Variants in NREP observed in about 807,000 individuals in gnomAD.
The protein encoded by NREP is neuronal regeneration-related protein.
NREP carries 5 observed loss-of-function variants against 8.6 expected under a neutral mutation model. The ratio of observed to expected loss-of-function variants is 0.58; its 90% CI spans 0.30 to 1.22. NREP has a LOEUF of 1.22. Among genes scored for constraint, NREP ranks in the 50% most tolerant of loss-of-function variants. The pLI, the probability that NREP is intolerant of heterozygous loss-of-function variation, is 0.07. For synonymous variants in NREP, 27 were observed against 28.0 expected, an observed-to-expected ratio of 0.96 and a Z score of 0.11; for missense variants, 86 against 82.5, an observed-to-expected ratio of 1.04 and a Z score of -0.17.
At chr5:111,852,753 T>G (rs901028562) in intron 2 of NREP, among the ~76,000 whole-genome samples, 3 of 152,100 alleles carry the variant, frequency 2.0e-5, no homozygotes, top group African/African-American at 7.2e-5. Context: ...AGTGTCATTG[T>G]TTTTGGAGTG....
chr5:111,955,483 AAAAAAC>A, intron 2 of NREP, among the ~76,000 whole-genome samples: 2 of 114,846 alleles, frequency 1.7e-5, no homozygotes, highest in Non-Finnish European at 4.2e-5. Flanking sequence ...AAAAAAAAAC[AAAAAAC>A]AAAAAACAAA....
rs559119685 is a variant in NREP, at chr5:111,783,669, T to C, written c.136-48162A>G. ...AACATGTTTTAGCTTGAATGAGTGATGAATTTTGTCAGGCATACAAACGTC... is the reference window on the plus strand; with the variant it reads ...AACATGTTTTAGCTTGAATGAGTGACGAATTTTGTCAGGCATACAAACGTC... On this transcript the variant is annotated intron_variant, in intron 2 of 3. Coordinates refer to the NREP transcript ENST00000395634. Among the ~76,000 whole-genome samples, 46 of 152,354 alleles carry C rather than the reference T, an allele frequency of 3.0e-4. No individual in the cohort carries two copies. The South Asian group carries it at 9.3e-3, about 31-fold the overall frequency.
intron 2 of NREP, among the ~76,000 whole-genome samples, chr5:111,972,140 A>G (rs1383125150): frequency 6.6e-6 from 1 of 150,458 alleles, no homozygotes; most frequent in Non-Finnish European, 1.5e-5. Context: ...AAAAATGATC[A>G]GCATCACTGA....
chr5:111,956,732 G>A (rs551684650), intron 2 of NREP, among the ~76,000 whole-genome samples: 6 of 152,146 alleles, frequency 3.9e-5, no homozygotes, highest in Non-Finnish European at 5.9e-5. Context: ...GGGAGGTGGA[G>A]GCAGGTAGAT....
chr5:111,811,209 C>G (rs1752262017), intron 2 of NREP, among the ~76,000 whole-genome samples: 1 of 152,170 alleles, frequency 6.6e-6, no homozygotes, highest in Admixed American at 6.5e-5. Context: ...GTTCCTCTGT[C>G]CTTTCTACTG....
intron 2 of NREP, among the ~76,000 whole-genome samples, chr5:111,921,626 A>C (rs1755242692): frequency 6.6e-6 from 1 of 152,150 alleles, no homozygotes. Flanking sequence ...CTTTTTGTAA[A>C]GTCTTTGGAC....
chr5:111,920,961 G>A (rs1225427537), intron 2 of NREP, among the ~76,000 whole-genome samples: 1 of 152,144 alleles, frequency 6.6e-6, no homozygotes, highest in African/African-American at 2.4e-5. Flanking sequence ...GCCCCTTTCT[G>A]TGTTAGATGT....
At chr5:111,952,365 A>G (rs1756186036) in intron 2 of NREP, among the ~76,000 whole-genome samples, 2 of 152,154 alleles carry the variant, frequency 1.3e-5, no homozygotes, top group African/African-American at 2.4e-5. Flanking sequence ...GTCAAGGTAC[A>G]TCTGGGATTA....
chr5:111,887,741 G>A (rs967704426), intron 2 of NREP, among the ~76,000 whole-genome samples: 4 of 152,202 alleles, frequency 2.6e-5, no homozygotes, highest in Non-Finnish European at 5.9e-5. Context: ...ACTTTAAAAA[G>A]TGCTGACGTG....
chr5:111,768,582 G>T (rs776803836), intron 2 of NREP, among the ~76,000 whole-genome samples: 31 of 152,212 alleles, frequency 2.0e-4, no homozygotes, highest in Non-Finnish European at 3.7e-4. Context: ...AGTACTGAAT[G>T]TTTAGCTTCC....
At position 111,731,104 on chromosome 5, in the gene NREP, T is replaced by C. The variant is rs994677265; in HGVS notation, c.82-58A>G. On this transcript the variant is annotated intron_variant, in intron 3 of 3. Coordinates refer to ENST00000257435, the MANE Select transcript of NREP (RefSeq NM_004772.4). ...CACACATAAAAGACAAAATTAGTCA[T>C]GCTTCTGAAACCATTTTTTAAAATT... The C allele has an allele frequency of 4.4e-6, 7 of 1,587,004 alleles. No individual in the cohort carries two copies. In the South Asian group the frequency reaches 6.8e-5, roughly 15 times the overall value.
intron 2 of NREP, among the ~76,000 whole-genome samples, chr5:111,911,029 T>C (rs542867582): frequency 6.6e-6 from 1 of 152,142 alleles, no homozygotes; most frequent in East Asian, 1.9e-4. Context: ...TTCTGACTAA[T>C]GCTCTAGGGA....
chr5:111,872,669 AG>A (rs1753816606), intron 2 of NREP, among the ~76,000 whole-genome samples: 1 of 152,168 alleles, frequency 6.6e-6, no homozygotes. Flanking sequence ...AACACCTTAA[AG>A]GACAAAATAC....
At chr5:111,919,985 CA>C (rs1353340932) in intron 2 of NREP, among the ~76,000 whole-genome samples, 37 of 111,734 alleles carry the variant, frequency 3.3e-4, no homozygotes, top group South Asian at 8.5e-4. Context: ...CCCCCCCCCC[CA>C]CACACACAAA....
intron 2 of NREP, among the ~76,000 whole-genome samples, chr5:111,833,705 G>C (rs1304031321): frequency 1.3e-5 from 2 of 152,162 alleles, no homozygotes; most frequent in Non-Finnish European, 2.9e-5. Flanking sequence ...TACTTGAACA[G>C]ATTTGGTCCC....
chr5:111,800,226 T>A (rs184693787), intron 2 of NREP, among the ~76,000 whole-genome samples: 20 of 152,196 alleles, frequency 1.3e-4, no homozygotes, highest in African/African-American at 4.3e-4. Context: ...CCACACACGG[T>A]TTGAAATGTA....
chr5:111,962,218 T>C (rs571237411), intron 2 of NREP, among the ~76,000 whole-genome samples: 11 of 152,318 alleles, frequency 7.2e-5, no homozygotes, highest in African/African-American at 2.6e-4. Context: ...TCCTATGCTT[T>C]ATTTTGCCTG....
intron 2 of NREP, among the ~76,000 whole-genome samples, chr5:111,915,423 T>C (rs935603248): frequency 2.6e-5 from 4 of 151,500 alleles, no homozygotes; most frequent in Non-Finnish European, 1.5e-5. Context: ...CAGCTCACAT[T>C]AAAAAAAAGG....
At chr5:111,799,734 G>A (rs1035796829) in intron 2 of NREP, among the ~76,000 whole-genome samples, 7 of 152,088 alleles carry the variant, frequency 4.6e-5, no homozygotes, top group African/African-American at 9.7e-5. Context: ...TTACTTATGC[G>A]TACATAATTC....
Sources: allele counts gnomAD v4.1 joint callset (sites outside exome capture counted in the v4.1 genomes callset), GRCh38; gene constraint gnomAD v4.1.1; transcripts MANE v1.5; gene names NCBI Gene and HGNC (gene_info 2026-07-23, HGNC 2026-07-21).